Variants in ZNF385D observed in about 807,000 individuals in gnomAD.
ZNF385D encodes the protein zinc finger protein 385D.
In ZNF385D, 15 loss-of-function variants were observed where a neutral mutation model predicts 35.8. The ratio of observed to expected loss-of-function variants is 0.42; its 90% CI spans 0.28 to 0.64. The LOEUF is 0.64. ZNF385D is among the 30% of genes least tolerant of loss of function. The pLI, the probability that ZNF385D is intolerant of heterozygous loss-of-function variation, is 0.23. For synonymous variants in ZNF385D, 212 were observed against 186.8 expected, an observed-to-expected ratio of 1.13 and a Z score of -1.10; for missense variants, 474 against 494.6, an observed-to-expected ratio of 0.96 and a Z score of 0.39.
intron 1 of ZNF385D, among the ~76,000 whole-genome samples, chr3:21,706,905 A>G (rs996095291): frequency 2.0e-5 from 3 of 152,158 alleles, no homozygotes; most frequent in Non-Finnish European, 2.9e-5. Context: ...AGGTTTAGGA[A>G]AAGGACAGAT....
At chr3:22,202,483 A>C (rs1433943399) in intron 2 of ZNF385D, among the ~76,000 whole-genome samples, 1 of 152,062 alleles carries the variant, frequency 6.6e-6, no homozygotes, top group Non-Finnish European at 1.5e-5. Context: ...CATTGGATGG[A>C]GGCAGAGCAA....
At chr3:21,930,614 A>T (rs1700959133) in intron 3 of ZNF385D, among the ~76,000 whole-genome samples, 2 of 152,138 alleles carry the variant, frequency 1.3e-5, no homozygotes, top group Admixed American at 1.3e-4. Context: ...TCAAGGTAGT[A>T]TGACAATGGC....
chr3:21,753,650 T>G (rs1020895079), upstream of ZNF385D, among the ~76,000 whole-genome samples: 2 of 152,214 alleles, frequency 1.3e-5, no homozygotes, highest in Non-Finnish European at 2.9e-5. Flanking sequence ...AGATACAAAG[T>G]TGTTTATCTC....
chr3:21,979,630 G>C (rs1694302549), intron 3 of ZNF385D: 1 of 152,090 alleles, frequency 6.6e-6, no homozygotes, highest in South Asian at 2.1e-4. Context: ...TTGTCTCATA[G>C]GTGCTTGAAA....
intron 3 of ZNF385D, among the ~76,000 whole-genome samples, chr3:21,937,391 G>A (rs1291859087): frequency 1.3e-5 from 2 of 152,044 alleles, no homozygotes; most frequent in Non-Finnish European, 2.9e-5. Flanking sequence ...TTGCCCCATT[G>A]TGCCACTGTA....
At chr3:21,693,708 T>C (rs1418147672) in intron 1 of ZNF385D, among the ~76,000 whole-genome samples, 2 of 152,140 alleles carry the variant, frequency 1.3e-5, no homozygotes, top group Non-Finnish European at 2.9e-5. Flanking sequence ...TGACTATTTT[T>C]AAAGGTTTTT....
intron 2 of ZNF385D, among the ~76,000 whole-genome samples, chr3:22,233,584 T>G (rs1399273846): frequency 6.6e-6 from 1 of 152,118 alleles, no homozygotes; most frequent in African/African-American, 2.4e-5. Context: ...TCCATAAACT[T>G]AAGAAAAGTG....
chr3:22,328,556 A>G (rs1435291230), intron 2 of ZNF385D, among the ~76,000 whole-genome samples: 2 of 151,940 alleles, frequency 1.3e-5, no homozygotes, highest in African/African-American at 4.8e-5. Context: ...TAAGATCAAG[A>G]TATCGAGACC....
Position 21,905,495 on chromosome 3 carries a change from T to C in ZNF385D, c.326-240467A>G, listed in dbSNP as rs535496476. On this transcript the variant is annotated intron_variant, in intron 3 of 5. Transcript: ENST00000494108. The stretch of plus-strand genomic sequence containing the variant: ...CACTGCTCAACTTAAGAAGGGCTGA[T>C]AGAAAAATGGGTTTGACCCAAGAAG... Among the ~76,000 whole-genome samples the C allele has an allele frequency of 6.1e-5, 9 of 147,306 alleles. No individual in the cohort carries two copies. The South Asian group carries it at 1.0e-3, about 17-fold the overall frequency.
chr3:21,604,605 A>G (rs988625248), intron 2 of ZNF385D, among the ~76,000 whole-genome samples: 2 of 152,196 alleles, frequency 1.3e-5, no homozygotes, highest in Non-Finnish European at 2.9e-5. Context: ...GATGGTTCCC[A>G]ATGTGAAATT....
intron 2 of ZNF385D, among the ~76,000 whole-genome samples, chr3:22,269,934 T>G (rs188785051): frequency 1.3e-4 from 19 of 151,994 alleles, no homozygotes; most frequent in Non-Finnish European, 1.8e-4. Flanking sequence ...ATAGCTTTCC[T>G]AAACTTTCTC....
chr3:21,958,071 C>T (rs1576008458), intron 3 of ZNF385D, among the ~76,000 whole-genome samples: 1 of 152,140 alleles, frequency 6.6e-6, no homozygotes, highest in Non-Finnish European at 1.5e-5. Context: ...AAAACTGTTA[C>T]AATTCACTGC....
intron 4 of ZNF385D, among the ~76,000 whole-genome samples, chr3:21,464,230 G>A (rs1489664807): frequency 2.0e-5 from 3 of 152,082 alleles, no homozygotes; most frequent in African/African-American, 7.2e-5. Flanking sequence ...CTGACTGGAG[G>A]TTTAATGTAA....
At chr3:22,037,200 G>A (rs1698381354) in intron 3 of ZNF385D, among the ~76,000 whole-genome samples, 2 of 150,702 alleles carry the variant, frequency 1.3e-5, no homozygotes, top group African/African-American at 4.9e-5. Context: ...ATAGCAGCAT[G>A]TTTTATAATC....
intron 3 of ZNF385D, among the ~76,000 whole-genome samples, chr3:21,870,887 C>T (rs924231619): frequency 6.6e-6 from 1 of 152,052 alleles, no homozygotes; most frequent in South Asian, 2.1e-4. Context: ...CATTCTTATC[C>T]AAGCCACAGC....
intron 2 of ZNF385D, among the ~76,000 whole-genome samples, chr3:22,359,074 CAAAAA>C (rs564037085): frequency 8.1e-6 from 1 of 122,950 alleles, no homozygotes; most frequent in African/African-American, 3.2e-5. Context: ...ACAAAAAAAC[CAAAAA>C]AAAAAACAAA....
intron 3 of ZNF385D, among the ~76,000 whole-genome samples, chr3:21,959,426 T>C (rs1234571621): frequency 6.6e-6 from 1 of 152,174 alleles, no homozygotes; most frequent in African/African-American, 2.4e-5. Context: ...AATACTATAG[T>C]GTTTGTGAGG....
rs1298536245 is a variant in ZNF385D, at chr3:21,688,322, C to T, written c.23-23294G>A. On this transcript the variant is annotated intron_variant, in intron 1 of 7. Transcript: ENST00000281523. ...AGGGATATACCATAACTAGTTTAAA[C>T]AATGCCCCATCATTGGTCATTATTG... 2.0e-5 allele frequency among the ~76,000 whole-genome samples: 3 copies of T among 152,124 alleles called. No homozygotes were observed. The East Asian group carries it at 5.8e-4, about 29-fold the overall frequency.
chr3:22,140,062 C>G (rs932103929), intron 3 of ZNF385D, among the ~76,000 whole-genome samples: 9 of 152,142 alleles, frequency 5.9e-5, no homozygotes, highest in Non-Finnish European at 1.3e-4. Flanking sequence ...TAAAGCTAAA[C>G]ATATATTACC....
Sources: allele counts gnomAD v4.1 joint callset (sites outside exome capture counted in the v4.1 genomes callset), GRCh38; gene constraint gnomAD v4.1.1; transcripts MANE v1.5; gene names NCBI Gene and HGNC (gene_info 2026-07-23, HGNC 2026-07-21).